Variants in CDC42BPB observed in about 807,000 individuals in gnomAD.
The protein encoded by CDC42BPB is serine/threonine-protein kinase MRCK beta.
A neutral mutation model predicts 214.9 loss-of-function variants in CDC42BPB; 37 were observed. That is an observed-to-expected ratio of 0.17 (90% confidence interval 0.13 to 0.23). CDC42BPB has a LOEUF of 0.23. Ranked by LOEUF, CDC42BPB falls within the 10% of genes least tolerant of loss-of-function variation. The probability of loss-of-function intolerance (pLI) is 1.00; values close to 1 mark genes in which losing one functional copy is unlikely to be tolerated. For synonymous variants in CDC42BPB, 931 were observed against 884.0 expected, an observed-to-expected ratio of 1.05 and a Z score of -0.94; for missense variants, 1,694 against 2,227.0, an observed-to-expected ratio of 0.76 and a Z score of 4.82.
intron 13 of CDC42BPB, among the ~76,000 whole-genome samples, chr14:102,970,638 C>G (rs1179667186): frequency 6.6e-6 from 1 of 152,170 alleles, no homozygotes; most frequent in Non-Finnish European, 1.5e-5. Flanking sequence ...AGCGAACACA[C>G]GTGCCGGCAC....
At chr14:103,022,430 C>T (rs903163652) in intron 1 of CDC42BPB, among the ~76,000 whole-genome samples, 3 of 152,166 alleles carry the variant, frequency 2.0e-5, no homozygotes, top group African/African-American at 4.8e-5. Flanking sequence ...GATGCCATCA[C>T]GGCTCACTGC....
In CDC42BPB at chr14:103,051,840, AAG is replaced by A. The variant is rs1212966661; in HGVS notation, c.175+5157_175+5158del. On this transcript the variant is annotated intron_variant, in intron 1 of 36. Transcript: ENST00000361246. ...TGTGAAGCCCAACTGTCATGGAAGG[AAG>A]AGGTTTTTTGTTTTTTTTTTGGAGA... 2.0e-5 allele frequency among the ~76,000 whole-genome samples: 3 copies of A among 151,056 alleles called. No individual in the cohort carries two copies. The East Asian group carries it at 5.8e-4, about 29-fold the overall frequency.
At chr14:103,025,942 C>A (rs1033432943) in intron 1 of CDC42BPB, among the ~76,000 whole-genome samples, 1 of 152,062 alleles carries the variant, frequency 6.6e-6, no homozygotes. Flanking sequence ...AGACACAACC[C>A]CAAGATCATG....
intron 5 of CDC42BPB, among the ~76,000 whole-genome samples, chr14:102,992,042 C>T (rs1894516625): frequency 6.6e-6 from 1 of 152,096 alleles, no homozygotes; most frequent in Admixed American, 6.5e-5. Context: ...GCTGGGGCTA[C>T]CGTATTGAGC....
rs1894058916 is a variant in CDC42BPB, at chr14:102,982,719, CATTGCACT to C, written c.891+829_891+836del. Reference sequence around the variant, plus strand: ...CTGGGAGGCATAGCTGAGATTGCACCATTGCACTCCAGCCTGGGCGACAAGAGCGAAAC... The same window carrying C: ...CTGGGAGGCATAGCTGAGATTGCACCCCAGCCTGGGCGACAAGAGCGAAAC... On this transcript the variant is annotated intron_variant, in intron 7 of 36. Coordinates refer to ENST00000361246, the MANE Select transcript of CDC42BPB (RefSeq NM_006035.4). Among the ~76,000 whole-genome samples, 9 of 152,166 alleles carry C rather than the reference CATTGCACT, an allele frequency of 5.9e-5. No homozygotes were observed. The South Asian group carries it at 1.9e-3, about 32-fold the overall frequency.
intron 5 of CDC42BPB, among the ~76,000 whole-genome samples, chr14:102,991,849 CCATA>C (rs1894507591): frequency 6.6e-6 from 1 of 152,132 alleles, no homozygotes; most frequent in South Asian, 2.1e-4. Context: ...TAATATGATT[CCATA>C]TATATAGTAT....
intron 1 of CDC42BPB, among the ~76,000 whole-genome samples, chr14:103,019,982 A>G (rs1039675381): frequency 5.3e-5 from 8 of 152,246 alleles, no homozygotes; most frequent in African/African-American, 1.9e-4. Context: ...GAAATCAAAC[A>G]AGATGAGACC....
intron 7 of CDC42BPB, chr14:102,981,318 G>T: frequency 2.6e-6 from 1 of 378,676 alleles, no homozygotes; most frequent in Non-Finnish European, 3.6e-6. Context: ...AGAGGGACAG[G>T]CGCAGCCCCG....
chr14:102,967,420 T>C, intron 16 of CDC42BPB: 1 of 887,208 alleles, frequency 1.1e-6, no homozygotes, highest in Non-Finnish European at 1.4e-6. Context: ...TTTCGCTGAA[T>C]ACAAACATCC....
intron 30 of CDC42BPB, chr14:102,941,690 A>T: frequency 5.8e-6 from 2 of 344,736 alleles, no homozygotes; most frequent in Non-Finnish European, 8.2e-6. Flanking sequence ...AGTGAAACAG[A>T]TTCTAGTGAA....
chr14:103,057,202 C>G lies in CDC42BPB; in HGVS notation c.-29G>C. The G allele has an allele frequency of 1.5e-6, 2 of 1,340,224 alleles. No individual in the cohort carries two copies. The highest frequency in any genetic ancestry group is 1.9e-6 in the Non-Finnish European group (2 of 1,040,004). 83.0% of individuals were successfully genotyped at this position (1,340,224 alleles called of 1,614,324 possible). A position where few individuals can be genotyped will look rare whatever the true frequency, so the allele number is the denominator to read the frequency against. On this transcript the variant is annotated 5_prime_UTR_variant, in exon 1 of 37. Coordinates refer to ENST00000361246, the MANE Select transcript of CDC42BPB (RefSeq NM_006035.4). ...GCCGCGCGGCCCGCTCCCGACGCGC[C>G]GGCCTCTCACCGCCGGCTCGGCCAG...
At chr14:102,966,110 A>C (rs1893190185) in intron 18 of CDC42BPB, among the ~76,000 whole-genome samples, 172 bp downstream of exon 18, 1 of 152,262 alleles carries the variant, frequency 6.6e-6, no homozygotes, top group South Asian at 2.1e-4. Flanking sequence ...GAGAGAAGCC[A>C]TGATGATCTG....
chr14:102,941,006 G>A (rs1207897644), intron 30 of CDC42BPB: 1 of 635,154 alleles, frequency 1.6e-6, no homozygotes, highest in African/African-American at 2.0e-5. Flanking sequence ...CCACGGATGT[G>A]AAACCAAGGA....
At chr14:102,967,852 T>G (rs1893287016) in intron 16 of CDC42BPB, among the ~76,000 whole-genome samples, 1 of 152,078 alleles carries the variant, frequency 6.6e-6, no homozygotes, top group South Asian at 2.1e-4. Flanking sequence ...TCCCAGCACT[T>G]TGGGAGGCTG....
At chr14:102,945,412 C>T (rs1892112317) in intron 29 of CDC42BPB, 4 of 549,824 alleles carry the variant, frequency 7.3e-6, no homozygotes, top group South Asian at 5.5e-5. Context: ...TGTTCCTCCT[C>T]CCAGGGGGCT....
intron 5 of CDC42BPB, among the ~76,000 whole-genome samples, chr14:102,994,993 T>C (rs1262568681): frequency 6.6e-6 from 1 of 152,234 alleles, no homozygotes; most frequent in Non-Finnish European, 1.5e-5. Flanking sequence ...CTTTTTTTCC[T>C]TTTTGTCAGA....
rs142018795 is a variant in CDC42BPB at position 102,964,521 on chromosome 14, C to T, written c.2707G>A (p.Ala903Thr). The part of the protein sequence containing the change: ...VQEELRKVKD[A>T]NLTLESKLKD... Reference sequence around the variant, plus strand: ...AAGTACCTTTCCAAGGTGAGGTTGGCGTCCTTGACCTTCCTGAGCTCCTCC... The same window carrying T: ...AAGTACCTTTCCAAGGTGAGGTTGGTGTCCTTGACCTTCCTGAGCTCCTCC... Residue 903 changes from alanine to threonine, a missense_variant, in exon 19 of 37, where the codon GCC (alanine) becomes ACC (threonine). By Grantham distance (58) the Ala-to-Thr change is moderately conservative (BLOSUM62 0). This residue lies in a region of CDC42BPB where 156 missense variants were observed against 154.5 expected (regional missense o/e 1.01). Transcript: ENST00000361246. The T allele has an allele frequency of 6.4e-5, 103 of 1,613,550 alleles. No individual in the cohort carries two copies. The highest frequency in any genetic ancestry group is 1.4e-4 in the South Asian group (13 of 91,076).
Position 103,001,658 on chromosome 14 carries a change from G to A in CDC42BPB, c.448-1945C>T, listed in dbSNP as rs1030252117. Among the ~76,000 whole-genome samples, 5 of 152,164 alleles carry A rather than the reference G, an allele frequency of 3.3e-5. No individual in the cohort carries two copies. The highest frequency in any genetic ancestry group is 1.2e-4 in the African/African-American group (5 of 41,448). On this transcript the variant is annotated intron_variant, in intron 4 of 36. Coordinates refer to ENST00000361246, the MANE Select transcript of CDC42BPB (RefSeq NM_006035.4). This position sits in a 1 kb window ranked among gnomAD's most constrained non-coding sequence, Gnocchi z 5.8. ...CACTGCGTGTGGAGGGCGATGCAGA[G>A]GGGGCGGTGGATGCACACTGCAGGC...
intron 1 of CDC42BPB, among the ~76,000 whole-genome samples, chr14:103,026,225 G>A (rs1216137411): frequency 1.3e-5 from 2 of 151,738 alleles, no homozygotes; most frequent in Non-Finnish European, 1.5e-5. Flanking sequence ...GTGAAACCCC[G>A]TCTCTACTAA....
Sources: allele counts gnomAD v4.1 joint callset (sites outside exome capture counted in the v4.1 genomes callset), GRCh38; gene constraint gnomAD v4.1.1; regional missense constraint gnomAD v4.1.1; non-coding constraint Gnocchi (gnomAD v3.1); transcripts MANE v1.5; gene names NCBI Gene and HGNC (gene_info 2026-07-23, HGNC 2026-07-21).